Variants in NEGR1 observed in about 807,000 individuals in gnomAD.
The protein encoded by NEGR1 is neuronal growth regulator 1.
A neutral mutation model predicts 40.9 loss-of-function variants in NEGR1; 10 were observed. That is an observed-to-expected ratio of 0.24 (90% CI 0.15 to 0.42). The LOEUF is 0.42. Among genes scored for constraint, NEGR1 ranks in the 10% least tolerant of loss-of-function variants. NEGR1 has a pLI of 1.00. For synonymous variants in NEGR1, 185 were observed against 166.8 expected, an observed-to-expected ratio of 1.11 and a Z score of -0.84; for missense variants, 352 against 438.9, an observed-to-expected ratio of 0.80 and a Z score of 1.77.
intron 1 of NEGR1, among the ~76,000 whole-genome samples, chr1:71,948,441 A>C (rs1445301822): frequency 3.3e-5 from 5 of 151,534 alleles, no homozygotes; most frequent in Non-Finnish European, 7.4e-5. Context: ...GTTATTGTTA[A>C]ATATTTGCTT....
intron 1 of NEGR1, among the ~76,000 whole-genome samples, chr1:71,943,994 T>A (rs1645995525): frequency 6.6e-6 from 1 of 152,220 alleles, no homozygotes; most frequent in Non-Finnish European, 1.5e-5. Flanking sequence ...CTAGCTTTGT[T>A]CCAATGGCTT....
At chr1:71,947,809 A>C (rs1042641345) in intron 1 of NEGR1, among the ~76,000 whole-genome samples, 24 of 152,088 alleles carry the variant, frequency 1.6e-4, no homozygotes, top group Non-Finnish European at 1.0e-4. Context: ...AATGATCAAT[A>C]AATTTCTTAG....
At chr1:71,984,594 A>T (rs1251154483) in intron 1 of NEGR1, among the ~76,000 whole-genome samples, 1 of 152,228 alleles carries the variant, frequency 6.6e-6, no homozygotes, top group Non-Finnish European at 1.5e-5. Flanking sequence ...AAATAATTTA[A>T]TCTCACTCTC....
chr1:72,116,749 T>A (rs2100281041), intron 1 of NEGR1, among the ~76,000 whole-genome samples: 1 of 151,900 alleles, frequency 6.6e-6, no homozygotes, highest in Non-Finnish European at 1.5e-5. Flanking sequence ...CTTAAAGTTT[T>A]ATTTCAAATG....
intron 3 of NEGR1, among the ~76,000 whole-genome samples, chr1:71,731,017 T>A (rs1423784182): frequency 2.0e-5 from 3 of 151,864 alleles, no homozygotes; most frequent in Non-Finnish European, 4.4e-5. Context: ...TTACTGGGCT[T>A]TTTACTTTTT....
At chr1:71,946,665 T>A (rs1266502546) in intron 1 of NEGR1, among the ~76,000 whole-genome samples, 1 of 152,148 alleles carries the variant, frequency 6.6e-6, no homozygotes, top group African/African-American at 2.4e-5. Flanking sequence ...TGATATCCTA[T>A]CTTTTCTACT....
At chr1:71,764,365 T>A (rs1037653708) in intron 3 of NEGR1, among the ~76,000 whole-genome samples, 3 of 152,248 alleles carry the variant, frequency 2.0e-5, no homozygotes, top group African/African-American at 7.2e-5. Context: ...TTGGAATACA[T>A]TCTTAAATAA....
intron 4 of NEGR1, among the ~76,000 whole-genome samples, chr1:71,688,311 T>TATATATATATATATAC (rs1169734971): frequency 5.0e-5 from 5 of 100,908 alleles, no homozygotes; most frequent in African/African-American, 1.9e-4. Flanking sequence ...TCCCTTTTCA[T>TATATATATATATATAC]ATATATATAT....
At position 71,542,590 on chromosome 1, in the gene NEGR1, C is replaced by G. The variant is rs185566780; in HGVS notation, c.940+50227G>C. ...GATACAGTGATATGCCCAAATCATA[C>G]AGCCAGTATACTGCAGGGATGGAAT... On this transcript the variant is annotated intron_variant, in intron 6 of 6. Transcript: ENST00000357731. Among the ~76,000 whole-genome samples, 226 of 151,802 alleles carry G rather than the reference C, an allele frequency of 1.5e-3. 1 individual carries two copies. The highest frequency in any genetic ancestry group is 5.0e-3 in the African/African-American group (207 of 41,516).
At chr1:71,688,164 A>T (rs1653099740) in intron 4 of NEGR1, among the ~76,000 whole-genome samples, 2 of 151,036 alleles carry the variant, frequency 1.3e-5, no homozygotes, top group African/African-American at 4.9e-5. Flanking sequence ...GCATACACAA[A>T]GTTTAATGAC....
chr1:71,956,218 A>G (rs146332627), intron 1 of NEGR1, among the ~76,000 whole-genome samples: 1 of 152,258 alleles, frequency 6.6e-6, no homozygotes, highest in African/African-American at 2.4e-5. Context: ...CCTTGATGCC[A>G]ATATATTCAC....
At chr1:71,932,682 G>A (rs1254894307) in intron 2 of NEGR1, among the ~76,000 whole-genome samples, 1 of 152,032 alleles carries the variant, frequency 6.6e-6, no homozygotes, top group African/African-American at 2.4e-5. Flanking sequence ...TTTGACATCA[G>A]TGATTAATAC....
At chr1:71,964,127 C>T (rs1372879582) in intron 1 of NEGR1, among the ~76,000 whole-genome samples, 1 of 152,156 alleles carries the variant, frequency 6.6e-6, no homozygotes, top group South Asian at 2.1e-4. Flanking sequence ...TATCCCAGTT[C>T]TCTTTGACCT....
chr1:72,140,551 G>A (rs1439125874), intron 1 of NEGR1, among the ~76,000 whole-genome samples: 1 of 151,948 alleles, frequency 6.6e-6, no homozygotes, highest in East Asian at 1.9e-4. Flanking sequence ...CCTCTTAAGG[G>A]TCTCACTTCT....
intron 2 of NEGR1, among the ~76,000 whole-genome samples, chr1:71,781,816 A>G (rs1656726514): frequency 6.6e-6 from 1 of 152,196 alleles, no homozygotes; most frequent in Non-Finnish European, 1.5e-5. Context: ...GCACACAATT[A>G]TGAGATCTAT....
At chr1:71,904,045 C>T (rs541150958) in intron 2 of NEGR1, among the ~76,000 whole-genome samples, 19 of 151,958 alleles carry the variant, frequency 1.3e-4, no homozygotes, top group East Asian at 7.7e-4. Context: ...CATGTAATCA[C>T]TCTGTTACAT....
At chr1:71,909,387 A>G (rs901677977) in intron 2 of NEGR1, among the ~76,000 whole-genome samples, 3 of 152,192 alleles carry the variant, frequency 2.0e-5, no homozygotes, top group Non-Finnish European at 4.4e-5. Context: ...TCAAAGATAA[A>G]TCCTGGACTA....
At chr1:71,741,081 G>A (rs1282998311) in intron 3 of NEGR1, among the ~76,000 whole-genome samples, 1 of 152,072 alleles carries the variant, frequency 6.6e-6, no homozygotes, top group African/African-American at 2.4e-5. Context: ...TGGCGTCTTA[G>A]GCATTCAATC....
rs182298269 is a variant in NEGR1, at chr1:71,675,454, T to A, written c.667+22554A>T. ...CTATAGATATATACAAATATAGATA[T>A]AGATATATGTGTATATCTATATATC... is the stretch of plus-strand genomic sequence containing the variant. On this transcript the variant is annotated intron_variant, in intron 4 of 6. Coordinates refer to ENST00000357731, the MANE Select transcript of NEGR1 (RefSeq NM_173808.3). 2.5e-3 allele frequency among the ~76,000 whole-genome samples: 384 copies of A among 151,808 alleles called. 1 individual carries two copies. The highest frequency in any genetic ancestry group is 8.9e-3 in the African/African-American group (369 of 41,428).
Sources: gnomAD v4.1 joint callset for allele counts (sites outside exome capture counted in the v4.1 genomes callset) on GRCh38, gnomAD v4.1.1 for gene constraint, MANE v1.5 for transcripts, NCBI Gene and HGNC (gene_info 2026-07-23, HGNC 2026-07-21) for gene names.